The following ACLY variants were observed in gnomAD, a reference collection of about 807,000 sequenced individuals.
ACLY encodes the protein ATP citrate lyase.
In ACLY, 41 loss-of-function variants were observed where a neutral mutation model predicts 133.0. That is an observed-to-expected ratio of 0.31 (90% CI 0.24 to 0.40). ACLY has a LOEUF of 0.40. Among genes scored for constraint, ACLY ranks in the 10% least tolerant of loss-of-function variants. The pLI is 1.00. For synonymous variants in ACLY, 495 were observed against 549.3 expected (o/e 0.90, Z 1.38); for missense variants, 1,046 against 1,453.8 (o/e 0.72, Z 4.56).
At chr17:41,924,641 C>A (rs1371261172) in intron 1 of ACLY, among the ~76,000 whole-genome samples, 1 of 152,160 alleles carries the variant, frequency 6.6e-6, no homozygotes, top group Non-Finnish European at 1.5e-5. Context: ...GAGCTAAGGG[C>A]CTGTGTGTCC....
intron 7 of ACLY, 44 bp downstream of exon 7, chr17:41,907,398 C>T: frequency 1.3e-6 from 2 of 1,572,176 alleles, no homozygotes; most frequent in Admixed American, 1.7e-5. Flanking sequence ...CACCTCCCCA[C>T]CGCCCTCCCC....
chr17:41,868,455 T>A, intron 28 of ACLY, among the ~76,000 whole-genome samples: 1 of 95,904 alleles, frequency 1.0e-5, no homozygotes. Flanking sequence ...AAAAAAAAAT[T>A]TTCCTGGGCT....
chr17:41,882,277 GA>G (rs1273922224), intron 20 of ACLY, among the ~76,000 whole-genome samples: 2 of 137,550 alleles, frequency 1.5e-5, no homozygotes, highest in Non-Finnish European at 3.0e-5. Context: ...TGAGGCAGGA[GA>G]ATCATTTGAA....
intron 3 of ACLY, 86 bp from the exon 4 acceptor site, chr17:41,910,370 C>T: frequency 9.0e-7 from 1 of 1,111,014 alleles, no homozygotes; most frequent in Non-Finnish European, 1.3e-6. Flanking sequence ...AGGGGTGGTG[C>T]CCAAGCACTC....
intron 22 of ACLY, among the ~76,000 whole-genome samples, chr17:41,876,268 C>A (rs2048751493): frequency 6.6e-6 from 1 of 150,966 alleles, no homozygotes; most frequent in South Asian, 2.1e-4. Flanking sequence ...GCCCGGCCAG[C>A]CGCCCCGTCC....
At chr17:41,894,055 A>C (rs1300640518) in intron 14 of ACLY, among the ~76,000 whole-genome samples, 3 of 151,952 alleles carry the variant, frequency 2.0e-5, no homozygotes, top group African/African-American at 7.3e-5. Context: ...CTCTAATAAA[A>C]ATACAACAAT....
At chr17:41,927,750 T>C (rs1340966969) in intron 1 of ACLY, among the ~76,000 whole-genome samples, 3 of 151,266 alleles carry the variant, frequency 2.0e-5, no homozygotes, top group Non-Finnish European at 4.4e-5. Flanking sequence ...CACTTGAACC[T>C]GGGAGGCAGA....
intron 25 of ACLY, chr17:41,870,489 C>T (rs2048570400): frequency 6.6e-6 from 1 of 152,136 alleles, no homozygotes; most frequent in South Asian, 2.1e-4. Context: ...ATACTCCCCA[C>T]CTAGGCCAGT....
intron 22 of ACLY, among the ~76,000 whole-genome samples, chr17:41,876,290 G>T (rs1392563423): frequency 6.0e-5 from 9 of 149,450 alleles, no homozygotes; most frequent in South Asian, 2.1e-4. Context: ...GGAGGGAGGT[G>T]GGGGGGTCAG....
intron 7 of ACLY, 131 bp downstream of exon 7, chr17:41,907,311 T>A: frequency 1.4e-6 from 1 of 705,968 alleles, no homozygotes. Flanking sequence ...TTAAGAAAAT[T>A]AAATGCTTCT....
Position 41,883,171 on chromosome 17 carries a change from G to A in ACLY, c.2216C>T (p.Pro739Leu). 6.2e-7 allele frequency: 1 copy of A among 1,614,028 alleles called. No homozygotes were observed. Among genetic ancestry groups the A allele is most frequent in the Non-Finnish European group, 8.5e-7 (1 of 1,180,028 alleles). The change falls in exon 20 of 29, where the codon CCC becomes CTC. Residue 739 changes from proline to leucine, a missense_variant. Physicochemically the swap from Pro to Leu is moderately conservative, Grantham distance 98 (BLOSUM62 -3). Transcript: ENST00000352035. Reference sequence around the variant, plus strand: ...CGTCCCGATGCACCAGCAGACGATGGGCTTAGTGAGGCGGCCCTCCTTGAT... The same window carrying A: ...CGTCCCGATGCACCAGCAGACGATGAGCTTAGTGAGGCGGCCCTCCTTGAT... Reference protein sequence around the residue: ...RGIKEGRLTKPIVCWCIGTCA... With the variant: ...RGIKEGRLTKLIVCWCIGTCA...
At chr17:41,925,182 C>T (rs1183114942) in intron 1 of ACLY, among the ~76,000 whole-genome samples, 1 of 151,674 alleles carries the variant, frequency 6.6e-6, no homozygotes, top group Non-Finnish European at 1.5e-5. Flanking sequence ...GTTACAGGCG[C>T]CCACCACCAC....
At chr17:41,870,356 T>C (rs1250782657) in intron 25 of ACLY, 1 of 152,228 alleles carries the variant, frequency 6.6e-6, no homozygotes, top group Non-Finnish European at 1.5e-5. Context: ...GCCACCCACC[T>C]TCCCTGCTTG....
chr17:41,901,805 C>A lies in ACLY; in HGVS notation c.1074G>T (p.Val358=). The change falls in exon 11 of 29, where the codon GTG becomes GTT. Residue 358 remains valine, a synonymous_variant. Transcript: ENST00000352035. ...TNVAATFKGI[V]RAIRDYQGPL... is the part of the protein sequence containing the mutation. ...GGCCCTGGTAATCTCGAATTGCTCT[C>A]ACGATGCCCTGGAAGCCCAAAGTGA... 1 of 1,576,888 alleles carries A rather than the reference C, an allele frequency of 6.3e-7. No homozygotes were observed. Among genetic ancestry groups the A allele is most frequent in the Non-Finnish European group, 8.6e-7 (1 of 1,158,584 alleles).
At chr17:41,901,129 A>ATT (rs782019106) in intron 11 of ACLY, among the ~76,000 whole-genome samples, 9 of 142,250 alleles carry the variant, frequency 6.3e-5, no homozygotes, top group Admixed American at 2.1e-4. Context: ...TAATTTTTGT[A>ATT]TTTTTTTTTT....
At chr17:41,892,479 C>A (rs1201033805) in intron 15 of ACLY, 32 bp from the exon 16 acceptor site, 4 of 1,599,814 alleles carry the variant, frequency 2.5e-6, no homozygotes, top group Admixed American at 1.7e-5. Context: ...ATTAGGATAT[C>A]CTCAACCTGT....
At chr17:41,926,528 C>G (rs1260491516) in intron 1 of ACLY, among the ~76,000 whole-genome samples, 3 of 152,192 alleles carry the variant, frequency 2.0e-5, no homozygotes, top group Admixed American at 6.5e-5. Flanking sequence ...CATTCTTGTT[C>G]CCCAGGCTGA....
chr17:41,907,300 T>G, intron 7 of ACLY, 142 bp downstream of exon 7: 3 of 641,360 alleles, frequency 4.7e-6, no homozygotes, highest in Non-Finnish European at 4.9e-6. Flanking sequence ...CCATTGAGGT[T>G]TTAAGAAAAT....
In ACLY at chr17:41,909,081, G is replaced by A. The variant is rs2049813303; in HGVS notation, c.537-13C>T. 8.1e-6 allele frequency: 13 copies of A among 1,602,110 alleles called. No individual in the cohort carries two copies. Among genetic ancestry groups the A allele is most frequent in the Non-Finnish European group, 1.1e-5 (13 of 1,172,120 alleles). ...ACTGGCCAGAATTCTAGAGGTGGGA[G>A]GGAGAGAGGGACAGTTCATCCATCA... On this transcript the variant is annotated splice_polypyrimidine_tract_variant and intron_variant, in intron 5 of 28. Transcript: ENST00000352035.
Sources: allele counts gnomAD v4.1 joint callset (sites outside exome capture counted in the v4.1 genomes callset), GRCh38; gene constraint gnomAD v4.1.1; transcripts MANE v1.5; gene names NCBI Gene and HGNC (gene_info 2026-07-23, HGNC 2026-07-21).